The following MRTFA variants were observed in gnomAD, a reference collection of about 807,000 sequenced individuals.
MRTFA encodes the protein myocardin-related transcription factor A.
MRTFA carries 20 observed loss-of-function variants against 83.5 expected under a neutral mutation model. The ratio of observed to expected loss-of-function variants is 0.24; its 90% CI spans 0.17 to 0.35. MRTFA has a LOEUF of 0.35. Among genes scored for constraint, MRTFA ranks in the 10% least tolerant of loss-of-function variants. The probability of loss-of-function intolerance (pLI) is 1.00; values close to 1 mark genes in which losing one functional copy is unlikely to be tolerated. For synonymous variants in MRTFA, 659 were observed against 541.2 expected, an observed-to-expected ratio of 1.22 and a Z score of -3.02; for missense variants, 1,200 against 1,224.7, an observed-to-expected ratio of 0.98 and a Z score of 0.30.
intron 3 of MRTFA, among the ~76,000 whole-genome samples, chr22:40,500,771 GAA>G (rs1948481937): frequency 6.6e-6 from 1 of 150,782 alleles, no homozygotes; most frequent in Admixed American, 6.6e-5. Flanking sequence ...AGAACAAAAT[GAA>G]AAGTCTCCCA....
rs368967290 is a variant in MRTFA, at chr22:40,434,220, C to T, written c.363+1279G>A. On this transcript the variant is annotated intron_variant, in intron 5 of 14. Coordinates refer to ENST00000355630, the MANE Select transcript of MRTFA (RefSeq NM_020831.6). ...TCTGACCGAATAGGCGCACAGGCAA[C>T]GCCATCCTTTCCCCCAACACTGTAC... 5.8e-4 allele frequency among the ~76,000 whole-genome samples: 89 copies of T among 152,256 alleles called. 1 individual carries two copies. The South Asian group carries it at 9.1e-3, about 16-fold the overall frequency.
At chr22:40,575,819 C>G (rs921658191) in intron 2 of MRTFA, among the ~76,000 whole-genome samples, 1 of 152,042 alleles carries the variant, frequency 6.6e-6, no homozygotes, top group Non-Finnish European at 1.5e-5. Context: ...TTTTTGCCAA[C>G]CTAATATTTA....
intron 3 of MRTFA, among the ~76,000 whole-genome samples, chr22:40,531,202 G>A (rs928107253): frequency 1.3e-5 from 2 of 150,568 alleles, no homozygotes; most frequent in South Asian, 2.1e-4. Context: ...GGGCTCAATC[G>A]ATCCTCCCAC....
At chr22:40,473,604 T>C (rs563708560) in intron 3 of MRTFA, among the ~76,000 whole-genome samples, 7 of 152,242 alleles carry the variant, frequency 4.6e-5, no homozygotes, top group African/African-American at 1.2e-4. Context: ...AATAAGCAAA[T>C]GCAACTTAAT....
At chr22:40,468,227 C>A in intron 3 of MRTFA, among the ~76,000 whole-genome samples, 1 of 152,196 alleles carries the variant, frequency 6.6e-6, no homozygotes, top group Non-Finnish European at 1.5e-5. Flanking sequence ...TCAATCAAGA[C>A]TGGAACAAGA....
intron 3 of MRTFA, among the ~76,000 whole-genome samples, chr22:40,520,346 G>C (rs2147257361): frequency 6.6e-6 from 1 of 152,182 alleles, no homozygotes; most frequent in South Asian, 2.1e-4. Context: ...CATTTAAATG[G>C]AATCACACAA....
At chr22:40,462,277 G>C (rs769246792) in intron 4 of MRTFA, among the ~76,000 whole-genome samples, 43 of 152,186 alleles carry the variant, frequency 2.8e-4, no homozygotes, top group Non-Finnish European at 4.9e-4. Flanking sequence ...CTGAGAGCAA[G>C]AGCTGGATTT....
intron 3 of MRTFA, among the ~76,000 whole-genome samples, chr22:40,543,848 G>A (rs2055325871): frequency 6.6e-6 from 1 of 152,160 alleles, no homozygotes; most frequent in African/African-American, 2.4e-5. Flanking sequence ...AATTTTATAT[G>A]GAAATGCAAA....
intron 2 of MRTFA, among the ~76,000 whole-genome samples, chr22:40,556,309 G>C (rs1569326499): frequency 6.6e-6 from 1 of 152,112 alleles, no homozygotes; most frequent in Non-Finnish European, 1.5e-5. Flanking sequence ...AAAGGCACTA[G>C]AAACTAAAAA....
intron 2 of MRTFA, among the ~76,000 whole-genome samples, chr22:40,570,388 A>T (rs906756107): frequency 1.3e-5 from 2 of 151,778 alleles, no homozygotes; most frequent in Admixed American, 6.6e-5. Flanking sequence ...ATCCTTGCCA[A>T]CACAGTGAAA....
intron 3 of MRTFA, among the ~76,000 whole-genome samples, chr22:40,498,505 G>C (rs1293529750): frequency 2.6e-5 from 4 of 151,222 alleles, no homozygotes; most frequent in Non-Finnish European, 4.4e-5. Flanking sequence ...GGTTGGTCTT[G>C]AATTCCTGGG....
intron 1 of MRTFA, among the ~76,000 whole-genome samples, chr22:40,635,796 C>A (rs2056690166): frequency 6.6e-6 from 1 of 152,170 alleles, no homozygotes; most frequent in South Asian, 2.1e-4. Context: ...GTGCTATTAT[C>A]CTCATTTTTC....
At chr22:40,509,710 C>T (rs919272377) in intron 3 of MRTFA, among the ~76,000 whole-genome samples, 3 of 152,174 alleles carry the variant, frequency 2.0e-5, no homozygotes, top group African/African-American at 7.2e-5. Context: ...TTTCAGTAAT[C>T]TAATGGCAAC....
chr22:40,430,357 A>G (rs1308491113), intron 6 of MRTFA, among the ~76,000 whole-genome samples: 2 of 151,742 alleles, frequency 1.3e-5, no homozygotes, highest in East Asian at 3.9e-4. Flanking sequence ...GCGTGGTGGC[A>G]TGTGCCTGTA....
chr22:40,580,395 T>C (rs2055930594), intron 2 of MRTFA, among the ~76,000 whole-genome samples: 1 of 152,092 alleles, frequency 6.6e-6, no homozygotes, highest in Non-Finnish European at 1.5e-5. Context: ...GATGAGGTCT[T>C]GCTACATTGC....
At position 40,428,769 on chromosome 22, in the gene MRTFA, G is replaced by A. The variant is rs149512027; in HGVS notation, c.601+837C>T. On this transcript the variant is annotated intron_variant, in intron 7 of 14. Transcript: ENST00000355630. ...ACTCCTGGGCTCAAGTGATCCTCCCGCCTCAGACTACCAAATCACTGAGGA... is the reference window on the plus strand; with the variant it reads ...ACTCCTGGGCTCAAGTGATCCTCCCACCTCAGACTACCAAATCACTGAGGA... Among the ~76,000 whole-genome samples the A allele has an allele frequency of 7.2e-5, 11 of 152,058 alleles. No individual in the cohort carries two copies. In the South Asian group the frequency reaches 1.5e-3, roughly 20 times the overall value.
At chr22:40,420,804 G>A (rs2147073534) in intron 10 of MRTFA, 43 bp downstream of exon 10, 1 of 1,608,138 alleles carries the variant, frequency 6.2e-7, no homozygotes, top group Middle Eastern at 1.8e-4. Context: ...GCTCAGGGTG[G>A]CTCGGGGAGG....
At chr22:40,514,436 G>C (rs1181250893) in intron 3 of MRTFA, among the ~76,000 whole-genome samples, 1 of 151,208 alleles carries the variant, frequency 6.6e-6, no homozygotes, top group Non-Finnish European at 1.5e-5. Flanking sequence ...GGGGAGGGGG[G>C]AGTTACAGAT....
intron 3 of MRTFA, among the ~76,000 whole-genome samples, chr22:40,514,989 A>G (rs1602366095): frequency 6.6e-6 from 1 of 150,716 alleles, no homozygotes. Context: ...GCTCACTGCA[A>G]CCTCCGCCTT....
Sources: gnomAD v4.1 joint callset for allele counts (sites outside exome capture counted in the v4.1 genomes callset) on GRCh38, gnomAD v4.1.1 for gene constraint, MANE v1.5 for transcripts, NCBI Gene and HGNC (gene_info 2026-07-23, HGNC 2026-07-21) for gene names.